Variants in CCSER1 observed in about 807,000 individuals in gnomAD.
The protein encoded by CCSER1 is serine-rich coiled-coil domain-containing protein 1.
CCSER1 carries 41 observed loss-of-function variants against 82.0 expected under a neutral mutation model. That is an observed-to-expected ratio of 0.50 (90% CI 0.39 to 0.65). CCSER1 has a LOEUF of 0.65. Ranked by LOEUF, CCSER1 falls within the 30% of genes least tolerant of loss-of-function variation. CCSER1 has a pLI of 0.00. For missense variants in CCSER1, 1,119 were observed against 1,064.2 expected (o/e 1.05, Z -0.72); for synonymous variants, 414 against 383.9 (o/e 1.08, Z -0.92).
chr4:91,237,037 C>T (rs1560535637), intron 10 of CCSER1, among the ~76,000 whole-genome samples: 1 of 152,128 alleles, frequency 6.6e-6, no homozygotes, highest in African/African-American at 2.4e-5. Context: ...ACATACTATT[C>T]AATCTTTGTA....
chr4:90,307,158 T>G (rs1240729655), intron 1 of CCSER1, among the ~76,000 whole-genome samples: 3 of 152,146 alleles, frequency 2.0e-5, no homozygotes, highest in East Asian at 1.9e-4. Context: ...GTGAAAGAGA[T>G]AATCTGTGGG....
At chr4:91,498,988 C>T (rs1478137523) in intron 10 of CCSER1, among the ~76,000 whole-genome samples, 1 of 151,854 alleles carries the variant, frequency 6.6e-6, no homozygotes, top group Non-Finnish European at 1.5e-5. Context: ...TCCTAGATCA[C>T]CTGCAATTGT....
chr4:90,879,518 G>A (rs1040980975), intron 8 of CCSER1, among the ~76,000 whole-genome samples: 122 of 131,720 alleles, frequency 9.3e-4, no homozygotes, highest in East Asian at 3.6e-3. Context: ...AAGAAGAAGA[G>A]GAAGAGGAAG....
intron 4 of CCSER1, among the ~76,000 whole-genome samples, chr4:90,403,070 T>G (rs1162876620): frequency 6.6e-6 from 1 of 152,264 alleles, no homozygotes; most frequent in African/African-American, 2.4e-5. Context: ...TTTGAAAATC[T>G]ATTTCATTTT....
chr4:91,346,351 G>A (rs1357974703), intron 10 of CCSER1, among the ~76,000 whole-genome samples: 1 of 152,020 alleles, frequency 6.6e-6, no homozygotes, highest in African/African-American at 2.4e-5. Flanking sequence ...TATATTGTAT[G>A]GATATACCAC....
intron 9 of CCSER1, among the ~76,000 whole-genome samples, chr4:90,946,639 A>AAAAG (rs1554048419): frequency 6.7e-6 from 1 of 148,646 alleles, no homozygotes; most frequent in Admixed American, 6.7e-5. Context: ...AAAAAAAAAA[A>AAAAG]AGAGATTATA....
At chr4:90,911,125 T>C in intron 8 of CCSER1, 1 of 359,972 alleles carries the variant, frequency 2.8e-6, no homozygotes, top group South Asian at 2.3e-5. Flanking sequence ...CTTATTTAAT[T>C]CCAATATCCA....
intron 3 of CCSER1, among the ~76,000 whole-genome samples, chr4:90,356,343 G>T (rs1744375066): frequency 6.6e-6 from 1 of 151,606 alleles, no homozygotes; most frequent in Non-Finnish European, 1.5e-5. Context: ...TAATGTGATT[G>T]CAATATATGT....
chr4:90,722,466 A>G (rs752386468), intron 6 of CCSER1, among the ~76,000 whole-genome samples: 1 of 151,828 alleles, frequency 6.6e-6, no homozygotes, highest in African/African-American at 2.4e-5. Flanking sequence ...CTATTATGTC[A>G]TATAATCAGA....
chr4:90,449,213 C>A (rs1482311471), intron 4 of CCSER1, among the ~76,000 whole-genome samples: 1 of 152,064 alleles, frequency 6.6e-6, no homozygotes, highest in Non-Finnish European at 1.5e-5. Context: ...AAGAGGAGAC[C>A]CACAGTGGGT....
chr4:90,447,278 G>A (rs935420473), intron 4 of CCSER1, among the ~76,000 whole-genome samples: 6 of 152,040 alleles, frequency 3.9e-5, no homozygotes, highest in South Asian at 4.2e-4. Context: ...GTGTAAATAT[G>A]TAGTGGTGCA....
chr4:90,297,953 C>A (rs968597472), intron 1 of CCSER1, among the ~76,000 whole-genome samples: 1 of 151,928 alleles, frequency 6.6e-6, no homozygotes, highest in Non-Finnish European at 1.5e-5. Context: ...GTCTAAAATT[C>A]TCTTTTTTGG....
At chr4:91,195,155 A>G (rs1735308542) in intron 10 of CCSER1, among the ~76,000 whole-genome samples, 1 of 152,228 alleles carries the variant, frequency 6.6e-6, no homozygotes, top group African/African-American at 2.4e-5. Context: ...GCTGAGAGCT[A>G]GTAACACTTC....
At chr4:90,649,883 G>T (rs1318417614) in intron 6 of CCSER1, among the ~76,000 whole-genome samples, 1 of 152,098 alleles carries the variant, frequency 6.6e-6, no homozygotes, top group Non-Finnish European at 1.5e-5. Flanking sequence ...GAGGTGGGTG[G>T]ATCACGAGGT....
chr4:90,427,629 A>G (rs542247519), intron 4 of CCSER1, among the ~76,000 whole-genome samples: 1 of 151,834 alleles, frequency 6.6e-6, no homozygotes, highest in East Asian at 1.9e-4. Context: ...AGTGGAAAGA[A>G]GAGTACAGTT....
chr4:90,605,223 C>T (rs1240589637), intron 5 of CCSER1, among the ~76,000 whole-genome samples: 4 of 152,142 alleles, frequency 2.6e-5, no homozygotes, highest in Admixed American at 1.3e-4. Flanking sequence ...TCTTTAAGAA[C>T]GGTAACAGTC....
chr4:91,052,043 G>A (rs1422454313), intron 9 of CCSER1, among the ~76,000 whole-genome samples: 1 of 151,972 alleles, frequency 6.6e-6, no homozygotes, highest in Admixed American at 6.6e-5. Context: ...AAATTTATAT[G>A]AGAAAATACA....
intron 10 of CCSER1, among the ~76,000 whole-genome samples, chr4:91,437,391 C>G (rs530690604): frequency 6.3e-4 from 96 of 152,260 alleles, no homozygotes; most frequent in Middle Eastern, 3.4e-3. Context: ...AGGCGCTATT[C>G]TGCAATTTGC....
intron 9 of CCSER1, among the ~76,000 whole-genome samples, chr4:90,992,028 C>T (rs1011330217): frequency 6.6e-6 from 1 of 152,010 alleles, no homozygotes; most frequent in South Asian, 2.1e-4. Context: ...CATCTTAAAG[C>T]TTTTCTTATT....
Sources: gnomAD v4.1 joint callset for allele counts (sites outside exome capture counted in the v4.1 genomes callset) on GRCh38, gnomAD v4.1.1 for gene constraint, MANE v1.5 for transcripts, NCBI Gene and HGNC (gene_info 2026-07-23, HGNC 2026-07-21) for gene names.